The following CDH17 variants were observed in gnomAD, a reference collection of about 807,000 sequenced individuals.
The protein encoded by CDH17 is cadherin-17.
In CDH17, 67 loss-of-function variants were observed where a neutral mutation model predicts 86.3. The ratio of observed to expected loss-of-function variants is 0.78; its 90% confidence interval spans 0.64 to 0.95. The LOEUF is 0.95. Among genes scored for constraint, CDH17 ranks in the 40% least tolerant of loss-of-function variants. The pLI, the probability that CDH17 is intolerant of heterozygous loss-of-function variation, is 0.00. For synonymous variants in CDH17, 367 were observed against 366.4 expected (o/e 1.00, Z -0.02); for missense variants, 993 against 1,017.6 (o/e 0.98, Z 0.33).
intron 10 of CDH17, among the ~76,000 whole-genome samples, chr8:94,162,437 A>T (rs1163966726): frequency 2.0e-5 from 3 of 152,196 alleles, no homozygotes; most frequent in African/African-American, 7.2e-5. Flanking sequence ...AAGTTAGGTA[A>T]GGTTTGTTCC....
intron 1 of CDH17, among the ~76,000 whole-genome samples, chr8:94,203,819 A>T (rs936433465): frequency 6.6e-6 from 1 of 152,194 alleles, no homozygotes; most frequent in Non-Finnish European, 1.5e-5. Flanking sequence ...TAGAGCAGAG[A>T]GGAAGACAGG....
intron 3 of CDH17, among the ~76,000 whole-genome samples, chr8:94,184,703 C>G (rs1253979967): frequency 6.6e-6 from 1 of 151,774 alleles, no homozygotes; most frequent in Non-Finnish European, 1.5e-5. Context: ...ATTTTAGAGG[C>G]ATGAATTTTT....
At position 94,146,109 on chromosome 8, in the gene CDH17, G is replaced by A. The variant is rs779412799; in HGVS notation, c.1986C>T (p.Asp662=). 6.2e-7 allele frequency: 1 copy of A among 1,611,678 alleles called. No homozygotes were observed. ...EFHLILMDVN[D]NPPRLAKDYT... ...AGTCCTTGGCTAGCCTGGGAGGGTT[G>A]TCATTCACATCCATAAGGATCAGGT... The change falls in exon 15 of 18, where the codon GAC becomes GAT. Residue 662 remains aspartate (D), a synonymous_variant. Coordinates refer to ENST00000027335, the MANE Select transcript of CDH17 (RefSeq NM_004063.4).
intron 15 of CDH17, among the ~76,000 whole-genome samples, chr8:94,133,503 A>G (rs959850351): frequency 4.6e-5 from 7 of 152,092 alleles, no homozygotes; most frequent in Non-Finnish European, 7.4e-5. Flanking sequence ...TTGCACATTG[A>G]TTTTGTACCC....
At position 94,139,609 on chromosome 8, in the gene CDH17, C is replaced by T. The variant is rs140085374; in HGVS notation, c.2167+6319G>A. On this transcript the variant is annotated intron_variant, in intron 15 of 17. Transcript: ENST00000027335. Reference sequence around the variant, plus strand: ...AAACATTCAATGGAACAAGGAAGAACCATAGTGGGCAGGGCACCCCCGGTG... The same window carrying T: ...AAACATTCAATGGAACAAGGAAGAATCATAGTGGGCAGGGCACCCCCGGTG... 4.6e-3 allele frequency among the ~76,000 whole-genome samples: 704 copies of T among 152,202 alleles called. 6 individuals carry two copies. Among genetic ancestry groups the T allele is most frequent in the Non-Finnish European group, 8.6e-3 (584 of 67,996 alleles).
In CDH17 at chr8:94,166,669, T is replaced by C. The variant is rs78628290; in HGVS notation, c.1067-693A>G. On this transcript the variant is annotated intron_variant, in intron 9 of 17. Transcript: ENST00000027335. ...CAAATAAGACCTTCACAGATGTCAC[T>C]AGTTAAGGCTCTGGAGATGAAATCA... 2.3e-3 allele frequency among the ~76,000 whole-genome samples: 355 copies of C among 152,270 alleles called. 17 individuals are homozygous for C. In the East Asian group the frequency reaches 0.059, roughly 25 times the overall value.
chr8:94,129,809 G>T (rs538025132), intron 17 of CDH17, among the ~76,000 whole-genome samples: 2 of 152,176 alleles, frequency 1.3e-5, no homozygotes, highest in African/African-American at 2.4e-5. Flanking sequence ...GCAAAACTTT[G>T]TTTCATACAC....
Position 94,162,302 on chromosome 8 carries a change from G to A in CDH17, c.1283-140C>T, listed in dbSNP as rs1440428318. On this transcript the variant is annotated intron_variant, in intron 10 of 17. Coordinates refer to ENST00000027335, the MANE Select transcript of CDH17 (RefSeq NM_004063.4). The stretch of plus-strand genomic sequence containing the variant: ...AATTGACATGCAATTTGTGCAGAGA[G>A]TGGGCTCTCTGTTTCCCACCTGTAC... 4 of 639,290 alleles carry A rather than the reference G, an allele frequency of 6.3e-6. No individual in the cohort carries two copies. In the African/African-American group the frequency reaches 7.3e-5, roughly 12 times the overall value. 39.6% of individuals were successfully genotyped at this position (639,290 alleles called of 1,614,324 possible).
At chr8:94,159,101 T>G (rs544826894) in intron 12 of CDH17, among the ~76,000 whole-genome samples, 2 of 152,190 alleles carry the variant, frequency 1.3e-5, no homozygotes, top group African/African-American at 4.8e-5. Flanking sequence ...CATTGAGTGC[T>G]GCTTCCAATT....
upstream of CDH17, among the ~76,000 whole-genome samples, chr8:94,209,504 T>C (rs1056343027): frequency 1.3e-5 from 2 of 152,030 alleles, no homozygotes; most frequent in African/African-American, 4.8e-5. Flanking sequence ...CTAGAAGGGC[T>C]CCCTCCTTTC....
Position 94,189,265 on chromosome 8 carries a change from C to T in CDH17, c.72G>A (p.Glu24=), listed in dbSNP as rs752886543. 5 of 1,612,356 alleles carry T rather than the reference C, an allele frequency of 3.1e-6. No homozygotes were observed. The highest frequency in any genetic ancestry group is 1.7e-5 in the Admixed American group (1 of 59,540). ...MLYLATGYGQ[E]GKFSGPLKPM... is the part of the protein sequence containing the mutation. ...GTTTCAGGGGTCCACTAAACTTCCC[C>T]TCTTGGCCATATCCAGTTGCCTGTT... The change falls in exon 3 of 18, where the codon GAG becomes GAA. Residue 24 remains glutamate (E), a synonymous_variant. Transcript: ENST00000027335.
chr8:94,136,724 C>G (rs1394686256), intron 15 of CDH17, among the ~76,000 whole-genome samples: 1 of 152,198 alleles, frequency 6.6e-6, no homozygotes, highest in African/African-American at 2.4e-5. Context: ...AAGAGGCATT[C>G]TGGTTTTTAG....
intron 15 of CDH17, among the ~76,000 whole-genome samples, chr8:94,144,898 T>A (rs1389683235): frequency 1.3e-5 from 2 of 152,130 alleles, no homozygotes; most frequent in Non-Finnish European, 2.9e-5. Context: ...AAATTGCATA[T>A]GAAAAGATGC....
chr8:94,133,448 T>G (rs1220746668), intron 15 of CDH17, among the ~76,000 whole-genome samples: 1 of 152,186 alleles, frequency 6.6e-6, no homozygotes, highest in East Asian at 1.9e-4. Flanking sequence ...ACTTCACTCA[T>G]GTTTTGGCTC....
Position 94,162,306 on chromosome 8 carries a change from GCT to G in CDH17, c.1283-146_1283-145del, listed in dbSNP as rs1230053653. The G allele has an allele frequency of 6.3e-6, 4 of 632,668 alleles. No homozygotes were observed. In the East Asian group the frequency reaches 1.1e-4, roughly 18 times the overall value. 39.2% of individuals were successfully genotyped at this position (632,668 alleles called of 1,614,324 possible). A position where few individuals can be genotyped will look rare whatever the true frequency, so the allele number is the denominator to read the frequency against. On this transcript the variant is annotated intron_variant, in intron 10 of 17. Coordinates refer to ENST00000027335, the MANE Select transcript of CDH17 (RefSeq NM_004063.4). ...GACATGCAATTTGTGCAGAGAGTGG[GCT>G]CTCTGTTTCCCACCTGTACCCAAGT...
intron 5 of CDH17, among the ~76,000 whole-genome samples, chr8:94,174,903 G>A: frequency 6.6e-6 from 1 of 152,016 alleles, no homozygotes; most frequent in East Asian, 1.9e-4. Flanking sequence ...ATTAAAACAT[G>A]TTGATTAGTG....
chr8:94,162,279 T>C (rs1813068792), intron 10 of CDH17, 117 bp from the exon 11 acceptor site: 2 of 695,572 alleles, frequency 2.9e-6, no homozygotes, highest in Admixed American at 4.5e-5. Context: ...AATTTTGCAA[T>C]TGACATGCAA....
chr8:94,176,956 A>AC, intron 4 of CDH17, among the ~76,000 whole-genome samples: 1 of 152,190 alleles, frequency 6.6e-6, no homozygotes, highest in South Asian at 2.1e-4. Flanking sequence ...GAGCACTGTG[A>AC]CCCCTGAGAA....
Position 94,142,339 on chromosome 8 carries a change from C to A in CDH17, c.2167+3589G>T, listed in dbSNP as rs553083236. Among the ~76,000 whole-genome samples, 6 of 152,232 alleles carry A rather than the reference C, an allele frequency of 3.9e-5. No individual in the cohort carries two copies. The South Asian group carries it at 6.2e-4, about 16-fold the overall frequency. ...TAGCATTATACCTAAAAATAAAAAA[C>A]CCCTAAATGTCCATACCTTAATTTA... On this transcript the variant is annotated intron_variant, in intron 15 of 17. Transcript: ENST00000027335.
Sources: allele counts gnomAD v4.1 joint callset (sites outside exome capture counted in the v4.1 genomes callset), GRCh38; gene constraint gnomAD v4.1.1; transcripts MANE v1.5; gene names NCBI Gene and HGNC (gene_info 2026-07-23, HGNC 2026-07-21).